Variants in ABCC3 observed in about 807,000 individuals in gnomAD.
ABCC3 encodes ATP binding cassette subfamily C member 3, also known as ATP-binding cassette sub-family C member 3.
In ABCC3, 121 loss-of-function variants were observed where a neutral mutation model predicts 165.3. The ratio of observed to expected loss-of-function variants is 0.73; its 90% CI spans 0.63 to 0.85. The LOEUF (loss-of-function observed/expected upper bound fraction) is 0.85. Ranked by LOEUF, ABCC3 falls within the 40% of genes least tolerant of loss-of-function variation. The pLI, the probability that ABCC3 is intolerant of heterozygous loss-of-function variation, is 0.00. For missense variants in ABCC3, 1,869 were observed against 1,964.1 expected, an observed-to-expected ratio of 0.95 and a Z score of 0.92; for synonymous variants, 733 against 810.1, an observed-to-expected ratio of 0.90 and a Z score of 1.62.
At chr17:50,647,263 C>G (rs1442067035) in intron 1 of ABCC3, among the ~76,000 whole-genome samples, 1 of 152,224 alleles carries the variant, frequency 6.6e-6, no homozygotes, top group African/African-American at 2.4e-5. Context: ...TGTCCAGCTA[C>G]TATGCTTCCA....
At chr17:50,686,627 C>T (rs1597862944) in intron 29 of ABCC3, among the ~76,000 whole-genome samples, 3 of 152,006 alleles carry the variant, frequency 2.0e-5, no homozygotes, top group Admixed American at 2.0e-4. Flanking sequence ...AACACTTCCC[C>T]CAGAGCATGC....
At chr17:50,663,616 G>A (rs1357270796) in intron 8 of ABCC3, 65 bp from the exon 9 acceptor site, 3 of 1,566,260 alleles carry the variant, frequency 1.9e-6, no homozygotes, top group East Asian at 2.2e-5. Context: ...AAAGCAAAGG[G>A]CAGCAGAGGA....
rs1300760568 is a variant in ABCC3, at chr17:50,659,284, G to T, written c.722G>T (p.Trp241Leu). 1 of 1,613,940 alleles carries T rather than the reference G, an allele frequency of 6.2e-7. No individual in the cohort carries two copies. Among genetic ancestry groups the T allele is most frequent in the East Asian group, 2.2e-5 (1 of 44,880 alleles). ...YRHPLEEKDLWSLKEEDRSQM... is the reference protein window; with the variant it reads ...YRHPLEEKDLLSLKEEDRSQM... ...CATCCCCTGGAGGAGAAGGACCTCT[G>T]GTCCCTAAAGGAAGAGGACAGATCC... The change falls in exon 7 of 31, where the codon TGG becomes TTG. Residue 241 changes from tryptophan (W) to leucine (L), a missense_variant. Transcript: ENST00000285238.
chr17:50,673,975 T>TCCTTCCTTCCTTCCTTC (rs1567835544), intron 19 of ABCC3, among the ~76,000 whole-genome samples: 6 of 12,248 alleles, frequency 4.9e-4, no homozygotes, highest in Admixed American at 1.2e-3. Context: ...TTTCTTTCTT[T>TCCTTCCTTCCTTCCTTC]CTTTCTCTCT....
intron 1 of ABCC3, among the ~76,000 whole-genome samples, chr17:50,651,906 A>G (rs1967122389): frequency 6.6e-6 from 1 of 152,214 alleles, no homozygotes; most frequent in African/African-American, 2.4e-5. Context: ...TAAAGACAAC[A>G]TAAGCTTGTT....
intron 30 of ABCC3, among the ~76,000 whole-genome samples, chr17:50,688,902 CA>C (rs35792889): frequency 0.32 from 42,161 of 130,540 alleles, 5,892 homozygotes; most frequent in Middle Eastern, 0.41. Flanking sequence ...GACGTTGTCT[CA>C]AAAAAAAAAA....
chr17:50,675,702 C>T lies in ABCC3; in HGVS notation c.2786C>T (p.Ser929Leu), dbSNP rs1188831806. 6.4e-7 allele frequency: 1 copy of T among 1,569,888 alleles called. No homozygotes were observed. The highest frequency in any genetic ancestry group is 8.6e-7 in the Non-Finnish European group (1 of 1,157,368). Residue 929 changes from serine (S) to leucine (L), a missense_variant, in exon 21 of 31, where the codon TCA becomes TTA. Physicochemically the swap from Ser to Leu is moderately radical, Grantham distance 145. Transcript: ENST00000285238. ...RPVPRRHLGP[S>L]EKVQVTEAKA... is the part of the protein sequence containing the mutation. ...GTACCCCGGAGGCACCTGGGTCCAT[C>T]AGAGAAGGTGCAGGTGACAGAGGCG... is the stretch of plus-strand genomic sequence containing the variant.
chr17:50,691,099 G>T lies in ABCC3; in HGVS notation c.4483G>T (p.Val1495Phe). 6.2e-7 allele frequency: 1 copy of T among 1,613,656 alleles called. No homozygotes were observed. Among genetic ancestry groups the T allele is most frequent in the Non-Finnish European group, 8.5e-7 (1 of 1,179,584 alleles). ...NTIMDYTRVL[V>F]LDKGVVAEFD... The stretch of plus-strand genomic sequence containing the variant: ...TCTCTCTTTTTTGACTAGGGTCCTG[G>T]TCCTGGACAAAGGAGTAGTAGCTGA... The change falls in exon 31 of 31, where the codon GTC becomes TTC. Residue 1495 changes from valine to phenylalanine, a missense_variant. Transcript: ENST00000285238.
intron 1 of ABCC3, chr17:50,635,443 T>G: frequency 1.4e-6 from 1 of 702,044 alleles, no homozygotes; most frequent in Non-Finnish European, 2.6e-6. Flanking sequence ...GAGCACCTGC[T>G]CAACCAGGTG....
intron 2 of ABCC3, among the ~76,000 whole-genome samples, 155 bp downstream of exon 2, chr17:50,656,163 G>A (rs992404048): frequency 1.3e-5 from 2 of 152,146 alleles, no homozygotes; most frequent in African/African-American, 2.4e-5. Flanking sequence ...TTGGCTCACT[G>A]CAACCTCTGC....
At position 50,656,775 on chromosome 17, in the gene ABCC3, G is replaced by C. The variant is rs35777968; in HGVS notation, c.296G>C (p.Arg99Pro). The C allele has an allele frequency of 6.2e-7, 1 of 1,613,980 alleles. No individual in the cohort carries two copies. Among genetic ancestry groups the C allele is most frequent in the Non-Finnish European group, 8.5e-7 (1 of 1,179,954 alleles). Residue 99 changes from arginine to proline, a missense_variant, in exon 3 of 31, where the codon CGG becomes CCG. Arg to Pro is a moderately radical substitution (Grantham distance 103, BLOSUM62 -2). Coordinates refer to ENST00000285238, the MANE Select transcript of ABCC3 (RefSeq NM_003786.4). ...FYSFHGLVHG[R>P]APAPVFFVTP... ...TCCTTCCATGGCCTGGTCCATGGCCGGGCCCCTGCCCCTGTTTTCTTTGTC... is the reference window on the plus strand; with the variant it reads ...TCCTTCCATGGCCTGGTCCATGGCCCGGCCCCTGCCCCTGTTTTCTTTGTC...
intron 11 of ABCC3, among the ~76,000 whole-genome samples, chr17:50,665,721 T>C (rs555076812): frequency 6.6e-6 from 1 of 151,740 alleles, no homozygotes; most frequent in East Asian, 1.9e-4. Flanking sequence ...TCTTCCTGCC[T>C]CAGCCTCCCT....
chr17:50,688,931 G>A (rs908351731), intron 30 of ABCC3, among the ~76,000 whole-genome samples: 3 of 148,978 alleles, frequency 2.0e-5, no homozygotes, highest in East Asian at 4.0e-4. Flanking sequence ...TGGCCAACGC[G>A]GTGGCTCACA....
chr17:50,678,024 T>C, intron 24 of ABCC3, 69 bp from the exon 25 acceptor site: 1 of 1,614,036 alleles, frequency 6.2e-7, no homozygotes, highest in Non-Finnish European at 8.5e-7. Flanking sequence ...TTGTCCCTCC[T>C]TTCCCCTAAG....
intron 1 of ABCC3, among the ~76,000 whole-genome samples, chr17:50,647,808 C>A (rs754090305): frequency 7.2e-5 from 11 of 152,148 alleles, no homozygotes; most frequent in Non-Finnish European, 1.6e-4. Context: ...GAGGCCAAGG[C>A]GGGTGGATGA....
intron 17 of ABCC3, among the ~76,000 whole-genome samples, chr17:50,671,790 T>C (rs1480737668): frequency 1.4e-5 from 2 of 145,722 alleles, no homozygotes; most frequent in Admixed American, 7.1e-5. Context: ...GGCGTGATCT[T>C]GGCTCACTGC....
intron 11 of ABCC3, 141 bp from the exon 12 acceptor site, chr17:50,667,413 C>T: frequency 2.6e-6 from 2 of 770,708 alleles, no homozygotes; most frequent in Non-Finnish European, 4.2e-6. Context: ...ACAGCACAGG[C>T]CCAGCAAGGA....
intron 13 of ABCC3, among the ~76,000 whole-genome samples, 178 bp from the exon 14 acceptor site, chr17:50,668,252 T>C (rs376281885): frequency 3.4e-4 from 52 of 152,288 alleles, no homozygotes; most frequent in African/African-American, 1.2e-3. Context: ...CTTACCAACC[T>C]GGACTTTCTC....
At chr17:50,636,534 T>C (rs2146581689) in intron 1 of ABCC3, among the ~76,000 whole-genome samples, 1 of 152,318 alleles carries the variant, frequency 6.6e-6, no homozygotes, top group East Asian at 1.9e-4. Context: ...GCCACCAGGG[T>C]CCAGAGGTTG....
Sources: allele counts gnomAD v4.1 joint callset (sites outside exome capture counted in the v4.1 genomes callset), GRCh38; gene constraint gnomAD v4.1.1; transcripts MANE v1.5; gene names NCBI Gene and HGNC (gene_info 2026-07-23, HGNC 2026-07-21).